GMDS: variants seen among roughly 807,000 people sequenced by gnomAD.
The protein encoded by GMDS is GDP-mannose 4,6 dehydratase.
GMDS carries 20 observed loss-of-function variants against 49.9 expected under a neutral mutation model. The observed-to-expected ratio is 0.40, with a 90% confidence interval of 0.28 to 0.58. The LOEUF (loss-of-function observed/expected upper bound fraction) is 0.58, where lower values mean the gene tolerates loss of function less well. Among genes scored for constraint, GMDS ranks in the 20% least tolerant of loss-of-function variants. The pLI is 0.42. For missense variants in GMDS, 362 were observed against 481.4 expected (o/e 0.75, Z 2.32); for synonymous variants, 177 against 178.6 (o/e 0.99, Z 0.07).
intron 4 of GMDS, among the ~76,000 whole-genome samples, chr6:1,993,823 G>A (rs527484432): frequency 1.3e-5 from 2 of 151,688 alleles, no homozygotes; most frequent in East Asian, 1.9e-4. Context: ...CATCAGCCAC[G>A]TATGGAATGT....
intron 4 of GMDS, among the ~76,000 whole-genome samples, chr6:2,076,166 G>A (rs529780209): frequency 6.6e-6 from 1 of 152,230 alleles, no homozygotes; most frequent in East Asian, 1.9e-4. Context: ...TTTGTCAGAT[G>A]CGTAGATTGC....
chr6:2,138,966 C>G (rs544942512), intron 1 of GMDS, among the ~76,000 whole-genome samples: 7 of 152,310 alleles, frequency 4.6e-5, no homozygotes, highest in African/African-American at 1.7e-4. Context: ...CACTCCGCAA[C>G]AGTAGTATGC....
intron 1 of GMDS, among the ~76,000 whole-genome samples, chr6:2,215,670 G>A (rs991296768): frequency 3.3e-5 from 5 of 152,038 alleles, no homozygotes; most frequent in African/African-American, 1.2e-4. Flanking sequence ...AGAAAAATAG[G>A]AGAAAGGAAG....
intron 8 of GMDS, among the ~76,000 whole-genome samples, chr6:1,741,608 C>T (rs13195196): frequency 6.6e-6 from 1 of 151,546 alleles, no homozygotes; most frequent in Non-Finnish European, 1.5e-5. Context: ...GTCAGGAGTT[C>T]GAAGACTAGC....
At chr6:2,228,166 T>C (rs1379823022) in intron 1 of GMDS, among the ~76,000 whole-genome samples, 2 of 152,198 alleles carry the variant, frequency 1.3e-5, no homozygotes, top group Non-Finnish European at 2.9e-5. Context: ...GGATATAAAG[T>C]GCAAGCCTGT....
chr6:1,990,501 CAATT>C (rs916384287), intron 4 of GMDS, among the ~76,000 whole-genome samples: 1 of 152,190 alleles, frequency 6.6e-6, no homozygotes, highest in African/African-American at 2.4e-5. Context: ...GTTGATCAGT[CAATT>C]AACCTGTATT....
At chr6:2,045,652 T>C (rs1030550499) in intron 4 of GMDS, among the ~76,000 whole-genome samples, 10 of 152,124 alleles carry the variant, frequency 6.6e-5, no homozygotes, top group African/African-American at 2.2e-4. Flanking sequence ...GGTTGCATGG[T>C]GACAGTGGTG....
chr6:1,864,498 C>A (rs531809223), intron 7 of GMDS, among the ~76,000 whole-genome samples: 1 of 152,300 alleles, frequency 6.6e-6, no homozygotes, highest in South Asian at 2.1e-4. Context: ...TCTATGATGA[C>A]ATGAATTTTT....
intron 4 of GMDS, among the ~76,000 whole-genome samples, chr6:1,970,542 G>A (rs1204947896): frequency 3.3e-5 from 5 of 152,338 alleles, no homozygotes; most frequent in African/African-American, 9.6e-5. Context: ...CGCAGGCTGT[G>A]ATTCCAGGAA....
At chr6:2,017,481 G>A (rs936634871) in intron 4 of GMDS, among the ~76,000 whole-genome samples, 12 of 151,966 alleles carry the variant, frequency 7.9e-5, no homozygotes, top group African/African-American at 2.7e-4. Context: ...GCTAATTTTT[G>A]TATTTTTAGT....
intron 4 of GMDS, among the ~76,000 whole-genome samples, chr6:1,970,289 G>C (rs1022708940): frequency 6.6e-6 from 1 of 152,236 alleles, no homozygotes. Context: ...CTCTGTAAGT[G>C]AAAGTTATTA....
At position 1,685,337 on chromosome 6, in the gene GMDS, C is replaced by T. The variant is rs145636302; in HGVS notation, c.987+41079G>A. On this transcript the variant is annotated intron_variant, in intron 9 of 10. Transcript: ENST00000380815. ...CCGAGATCACGCCACTGCACTCCAG[C>T]CTGGGTGACAGAGCGAGACTCCATC... Among the ~76,000 whole-genome samples the T allele has an allele frequency of 1.5e-3, 234 of 152,270 alleles. 1 individual carries two copies. The highest frequency in any genetic ancestry group is 5.4e-3 in the African/African-American group (224 of 41,554).
At chr6:2,201,550 A>T (rs1796668) in intron 1 of GMDS, among the ~76,000 whole-genome samples, 42 of 110,340 alleles carry the variant, frequency 3.8e-4, no homozygotes, top group Middle Eastern at 6.6e-3. Context: ...ATCCGAGATG[A>T]AACCATCTAG....
At chr6:1,891,638 G>A (rs982408952) in intron 7 of GMDS, among the ~76,000 whole-genome samples, 6 of 152,190 alleles carry the variant, frequency 3.9e-5, no homozygotes, top group South Asian at 2.1e-4. Context: ...AGGACGAACC[G>A]CTAGGGCAGT....
At chr6:1,704,157 C>T (rs902989031) in intron 9 of GMDS, among the ~76,000 whole-genome samples, 1 of 152,090 alleles carries the variant, frequency 6.6e-6, no homozygotes, top group African/African-American at 2.4e-5. Context: ...GCTGATGATA[C>T]AGTGAGTCAA....
At chr6:1,703,073 C>A (rs1249845152) in intron 9 of GMDS, among the ~76,000 whole-genome samples, 3 of 152,174 alleles carry the variant, frequency 2.0e-5, no homozygotes, top group African/African-American at 7.2e-5. Context: ...GGGAAGGAAG[C>A]CGAGATCTTT....
intron 9 of GMDS, among the ~76,000 whole-genome samples, chr6:1,688,917 C>G (rs1765075915): frequency 6.6e-6 from 1 of 152,256 alleles, no homozygotes; most frequent in Non-Finnish European, 1.5e-5. Flanking sequence ...TCAACATCAG[C>G]CATTTTCCCT....
At chr6:1,908,133 G>A (rs1264611024) in intron 7 of GMDS, among the ~76,000 whole-genome samples, 17 of 152,140 alleles carry the variant, frequency 1.1e-4, no homozygotes, top group Admixed American at 1.1e-3. Context: ...GCTACTAAGA[G>A]ACTAATGGGT....
At chr6:1,883,369 G>A (rs1024792862) in intron 7 of GMDS, among the ~76,000 whole-genome samples, 2 of 151,862 alleles carry the variant, frequency 1.3e-5, no homozygotes, top group African/African-American at 2.4e-5. Flanking sequence ...CCAGCCTAAT[G>A]ACAAAGCGAG....
Sources: gnomAD v4.1 joint callset for allele counts (sites outside exome capture counted in the v4.1 genomes callset) on GRCh38, gnomAD v4.1.1 for gene constraint, MANE v1.5 for transcripts, NCBI Gene and HGNC (gene_info 2026-07-23, HGNC 2026-07-21) for gene names.